Variants in DENND5B observed in about 807,000 individuals in gnomAD.
DENND5B encodes the protein DENN domain-containing protein 5B.
In DENND5B, 34 loss-of-function variants were observed where a neutral mutation model predicts 140.6. The ratio of observed to expected loss-of-function variants is 0.24; its 90% CI spans 0.18 to 0.32. DENND5B has a LOEUF of 0.32. Ranked by LOEUF, DENND5B falls within the 10% of genes least tolerant of loss-of-function variation. DENND5B has a pLI of 1.00. For synonymous variants in DENND5B, 551 were observed against 562.1 expected, an observed-to-expected ratio of 0.98 and a Z score of 0.28; for missense variants, 1,142 against 1,560.2, an observed-to-expected ratio of 0.73 and a Z score of 4.52.
intron 1 of DENND5B, among the ~76,000 whole-genome samples, chr12:31,518,292 G>C (rs1457997930): frequency 6.6e-6 from 1 of 152,210 alleles, no homozygotes; most frequent in African/African-American, 2.4e-5. Context: ...TTAAGAGCCT[G>C]AGCAGTCCCT....
intron 1 of DENND5B, among the ~76,000 whole-genome samples, chr12:31,514,968 T>A (rs1055923102): frequency 1.2e-4 from 18 of 152,048 alleles, no homozygotes; most frequent in African/African-American, 4.1e-4. Flanking sequence ...AAAAAAAAAT[T>A]TTTTTTTAAT....
intron 1 of DENND5B, among the ~76,000 whole-genome samples, chr12:31,506,017 TG>T (rs1400334136): frequency 6.6e-6 from 1 of 151,924 alleles, no homozygotes; most frequent in African/African-American, 2.4e-5. Flanking sequence ...AAAACATTTT[TG>T]TAGAGGCAGG....
chr12:31,417,488 T>TATA (rs1422239554), intron 11 of DENND5B, among the ~76,000 whole-genome samples: 1 of 151,876 alleles, frequency 6.6e-6, no homozygotes, highest in Non-Finnish European at 1.5e-5. Flanking sequence ...AGACACTAAG[T>TATA]ATAATGTCCA....
intron 2 of DENND5B, among the ~76,000 whole-genome samples, chr12:31,494,154 A>G (rs1275589709): frequency 1.5e-5 from 1 of 67,966 alleles, no homozygotes; most frequent in East Asian, 6.3e-4. Flanking sequence ...CTATCTATCT[A>G]TCTATCTATC....
chr12:31,466,290 T>C (rs1945263100), intron 3 of DENND5B, among the ~76,000 whole-genome samples: 1 of 151,592 alleles, frequency 6.6e-6, no homozygotes, highest in Non-Finnish European at 1.5e-5. Flanking sequence ...GAGGCAGAGT[T>C]TGCAGTGAGA....
At chr12:31,547,047 C>T (rs376953222) in intron 1 of DENND5B, among the ~76,000 whole-genome samples, 6 of 152,286 alleles carry the variant, frequency 3.9e-5, no homozygotes, top group African/African-American at 1.4e-4. Flanking sequence ...TTAGCCATTA[C>T]GCTTTTTTCC....
chr12:31,519,837 C>T (rs1485206729), intron 1 of DENND5B, among the ~76,000 whole-genome samples: 1 of 152,150 alleles, frequency 6.6e-6, no homozygotes, highest in Non-Finnish European at 1.5e-5. Context: ...TTAAAGTATA[C>T]AATTCAGTGA....
rs184445595 is a variant in DENND5B, at chr12:31,501,495, C to T, written c.128-5576G>A. On this transcript the variant is annotated intron_variant, in intron 1 of 20. Coordinates refer to ENST00000389082, the MANE Select transcript of DENND5B (RefSeq NM_144973.4). ...AAACTAAAGAAATCTAAATAGAGGC[C>T]GGGCGCAGTGGCTCATGCCCGTAAT... 4.6e-5 allele frequency among the ~76,000 whole-genome samples: 7 copies of T among 152,154 alleles called. No individual in the cohort carries two copies. The East Asian group carries it at 5.8e-4, about 13-fold the overall frequency.
intron 1 of DENND5B, among the ~76,000 whole-genome samples, chr12:31,524,509 C>T (rs1487060435): frequency 2.0e-5 from 3 of 152,010 alleles, no homozygotes; most frequent in East Asian, 1.9e-4. Context: ...AAAAATTAGC[C>T]GGGCATGATG....
chr12:31,488,898 C>T (rs191448891), intron 2 of DENND5B, among the ~76,000 whole-genome samples: 67 of 152,350 alleles, frequency 4.4e-4, no homozygotes, highest in Non-Finnish European at 1.3e-4. Flanking sequence ...CAGACTACTA[C>T]TAGTAACCAG....
chr12:31,450,773 A>G (rs1944476470), intron 5 of DENND5B, among the ~76,000 whole-genome samples: 1 of 152,220 alleles, frequency 6.6e-6, no homozygotes, highest in African/African-American at 2.4e-5. Flanking sequence ...GAGGCCACTT[A>G]GTGAAACCCA....
chr12:31,455,755 C>T lies in DENND5B; in HGVS notation c.1093-3279G>A, dbSNP rs571037619. The stretch of plus-strand genomic sequence containing the variant: ...AACAAAAGTGGGCTGGGCATGGTGG[C>T]TCATGCCTGTAATCCCAGCACTTTG... On this transcript the variant is annotated intron_variant, in intron 4 of 20. Transcript: ENST00000389082. Among the ~76,000 whole-genome samples, 28 of 152,312 alleles carry T rather than the reference C, an allele frequency of 1.8e-4. No homozygotes were observed. In the South Asian group the frequency reaches 3.9e-3, roughly 21 times the overall value.
In DENND5B at chr12:31,428,967, G is replaced by A. The variant is rs1345953011; in HGVS notation, c.2107-2543C>T. Among the ~76,000 whole-genome samples the A allele has an allele frequency of 1.8e-4, 28 of 152,124 alleles. 1 individual carries two copies. The highest frequency in any genetic ancestry group is 1.2e-3 in the Admixed American group (18 of 15,278). On this transcript the variant is annotated intron_variant, in intron 8 of 20. Coordinates refer to ENST00000389082, the MANE Select transcript of DENND5B (RefSeq NM_144973.4). ...AGGATGGTCTCAATCTCCTGACCTC[G>A]TGATCCACCCGCCTCGGCCTCCCAA...
At chr12:31,425,585 T>C (rs148048161) in intron 9 of DENND5B, among the ~76,000 whole-genome samples, 1,670 of 152,292 alleles carry the variant, frequency 0.011, 21 homozygotes, top group Middle Eastern at 0.017. Flanking sequence ...GGAAAGAAAA[T>C]GGAAATCAGT....
rs1943591296 is a variant in DENND5B at position 31,433,188 on chromosome 12, A to G, written c.2073T>C (p.Ser691=). 1 of 1,613,998 alleles carries G rather than the reference A, an allele frequency of 6.2e-7. No homozygotes were observed. The highest frequency in any genetic ancestry group is 1.3e-5 in the African/African-American group (1 of 75,052). ...QRRKERLRQH[S]EHVGLDNDLR... is the part of the protein sequence containing the mutation. ...AGTCGTTGTCCAGCCCAACATGCTCAGAATGCTGGCGAAGGCGTTCTTTCC... is the reference window on the plus strand; with the variant it reads ...AGTCGTTGTCCAGCCCAACATGCTCGGAATGCTGGCGAAGGCGTTCTTTCC... Residue 691 remains serine, a synonymous_variant, in exon 8 of 21, where the codon TCT becomes TCC. Coordinates refer to ENST00000389082, the MANE Select transcript of DENND5B (RefSeq NM_144973.4).
chr12:31,409,219 T>G, intron 14 of DENND5B, 44 bp downstream of exon 14: 1 of 1,506,016 alleles, frequency 6.6e-7, no homozygotes, highest in Non-Finnish European at 8.9e-7. Flanking sequence ...TTTTATTGCA[T>G]TGGTCACCTC....
At chr12:31,543,139 T>G (rs1948743968) in intron 1 of DENND5B, among the ~76,000 whole-genome samples, 2 of 152,054 alleles carry the variant, frequency 1.3e-5, no homozygotes, top group South Asian at 4.1e-4. Flanking sequence ...CTCCAGGAGG[T>G]TGAGGCTACA....
chr12:31,458,239 G>T (rs1414573451), intron 4 of DENND5B, among the ~76,000 whole-genome samples: 1 of 152,080 alleles, frequency 6.6e-6, no homozygotes, highest in Non-Finnish European at 1.5e-5. Flanking sequence ...ATATCAAGCT[G>T]CCATTTAAAA....
chr12:31,479,698 G>A lies in DENND5B; in HGVS notation c.795C>T (p.Pro265=). 6.3e-7 allele frequency: 1 copy of A among 1,595,202 alleles called. No homozygotes were observed. Among genetic ancestry groups the A allele is most frequent in the South Asian group, 1.1e-5 (1 of 87,868 alleles). The stretch of plus-strand genomic sequence containing the variant: ...CCTCCCGAAGGGGGTAATCAGAGAG[G>A]GGGAGTTCACTGGGCCCAGGCCTCT... The part of the protein sequence containing the change: ...ICQRPGPSEL[P]LSDYPLREAF... The change falls in exon 3 of 21, where the codon CCC becomes CCT. Residue 265 remains proline (P), a synonymous_variant. Coordinates refer to ENST00000389082, the MANE Select transcript of DENND5B (RefSeq NM_144973.4).
Sources: allele counts gnomAD v4.1 joint callset (sites outside exome capture counted in the v4.1 genomes callset), GRCh38; gene constraint gnomAD v4.1.1; transcripts MANE v1.5; gene names NCBI Gene and HGNC (gene_info 2026-07-23, HGNC 2026-07-21).